Variants in KCNMB4 observed in about 807,000 individuals in gnomAD.
KCNMB4 encodes the protein calcium-activated potassium channel subunit beta-4.
A neutral mutation model predicts 20.7 loss-of-function variants in KCNMB4; 3 were observed. The ratio of observed to expected loss-of-function variants is 0.14; its 90% CI spans 0.07 to 0.37. KCNMB4 has a LOEUF of 0.37. Ranked by LOEUF, KCNMB4 falls within the 10% of genes least tolerant of loss-of-function variation. The pLI is 1.00. For missense variants in KCNMB4, 168 were observed against 265.9 expected, an observed-to-expected ratio of 0.63 and a Z score of 2.56; for synonymous variants, 110 against 113.4, an observed-to-expected ratio of 0.97 and a Z score of 0.19.
At position 70,431,826 on chromosome 12, in the gene KCNMB4, G is replaced by A. The variant is rs1869373580; in HGVS notation, c.*1173G>A. 1 of 152,118 alleles carries A rather than the reference G, an allele frequency of 6.6e-6. No individual in the cohort carries two copies. The highest frequency in any genetic ancestry group is 1.5e-5 in the Non-Finnish European group (1 of 68,024). The allele number at this position is 152,118 out of a possible 1,614,324, so 9.4% of individuals were successfully genotyped here. ...TAGAATCAAACCTTTGTTTAGGTGA[G>A]ATGTACATCGTTAGTGGAGGAAAAA... On this transcript the variant is annotated 3_prime_UTR_variant, in exon 3 of 3. Transcript: ENST00000258111.
chr12:70,412,041 T>C (rs866748413), intron 2 of KCNMB4, among the ~76,000 whole-genome samples: 2 of 151,996 alleles, frequency 1.3e-5, no homozygotes, highest in African/African-American at 2.4e-5. Flanking sequence ...GTAGAATTAG[T>C]GGAGGAAGAA....
At chr12:70,410,005 C>T (rs1018804315) in intron 2 of KCNMB4, among the ~76,000 whole-genome samples, 14 of 152,192 alleles carry the variant, frequency 9.2e-5, no homozygotes, top group African/African-American at 2.7e-4. Context: ...CATCAGTCAC[C>T]TCGAGTCATT....
rs147224064 is a variant in KCNMB4, at chr12:70,418,143, C to T, written c.465-12342C>T. Among the ~76,000 whole-genome samples the T allele has an allele frequency of 1.4e-3, 211 of 152,250 alleles. 1 individual carries two copies. The highest frequency in any genetic ancestry group is 5.0e-3 in the African/African-American group (207 of 41,554). On this transcript the variant is annotated intron_variant, in intron 2 of 2. Coordinates refer to ENST00000258111, the MANE Select transcript of KCNMB4 (RefSeq NM_014505.6). ...GGCATTTGGGGGGATTCCTTACCCA[C>T]CTCATTTCCTTGAGAACCAAATTCT...
At chr12:70,425,945 C>G (rs1180845401) in intron 2 of KCNMB4, among the ~76,000 whole-genome samples, 1 of 152,040 alleles carries the variant, frequency 6.6e-6, no homozygotes, top group Non-Finnish European at 1.5e-5. Context: ...TCAAGACCAG[C>G]CTGGGCAACA....
Position 70,366,744 on chromosome 12 carries a change from C to T in KCNMB4, c.10C>T (p.Leu4Phe), listed in dbSNP as rs760504525. 1.9e-6 allele frequency: 3 copies of T among 1,593,856 alleles called. No homozygotes were observed. Among genetic ancestry groups the T allele is most frequent in the Admixed American group, 3.4e-5 (2 of 58,700 alleles). Residue 4 changes from leucine (L) to phenylalanine (F), a missense_variant, in exon 1 of 3, where the codon CTC becomes TTC. Transcript: ENST00000258111. MAKLRVAYEYTEAE... is the reference protein window; with the variant it reads MAKFRVAYEYTEAE... ...CCGAGAGTGGGGGGCGATGGCGAAG[C>T]TCCGGGTGGCTTACGAGTACACGGA...
intron 2 of KCNMB4, among the ~76,000 whole-genome samples, chr12:70,429,773 G>C (rs1024785814): frequency 6.6e-6 from 1 of 152,022 alleles, no homozygotes; most frequent in Non-Finnish European, 1.5e-5. Context: ...CACTTTCTGT[G>C]AATGGGACCA....
chr12:70,408,248 G>T (rs1868667429), intron 2 of KCNMB4, among the ~76,000 whole-genome samples: 1 of 152,144 alleles, frequency 6.6e-6, no homozygotes, highest in Non-Finnish European at 1.5e-5. Flanking sequence ...CAGGAGTGCT[G>T]TTTGGAGGTG....
rs1307700052 is a variant in KCNMB4, at chr12:70,366,743, G to A, written c.9G>A (p.Lys3=). ...GCCGAGAGTGGGGGGCGATGGCGAA[G>A]CTCCGGGTGGCTTACGAGTACACGG... The part of the protein sequence containing the change: MA[K]LRVAYEYTEA... The change falls in exon 1 of 3, where the codon AAG becomes AAA. Residue 3 remains lysine, a synonymous_variant. Coordinates refer to ENST00000258111, the MANE Select transcript of KCNMB4 (RefSeq NM_014505.6). 3 of 1,592,002 alleles carry A rather than the reference G, an allele frequency of 1.9e-6. No individual in the cohort carries two copies. The highest frequency in any genetic ancestry group is 1.7e-6 in the Non-Finnish European group (2 of 1,170,950).
At chr12:70,417,829 T>C (rs910459228) in intron 2 of KCNMB4, among the ~76,000 whole-genome samples, 2 of 152,050 alleles carry the variant, frequency 1.3e-5, no homozygotes, top group Non-Finnish European at 2.9e-5. Flanking sequence ...CTTAGCAGGG[T>C]GTGATGCTCT....
chr12:70,376,722 A>C (rs915314329), intron 1 of KCNMB4, among the ~76,000 whole-genome samples: 2 of 151,078 alleles, frequency 1.3e-5, no homozygotes, highest in Non-Finnish European at 2.9e-5. Context: ...AAAAAAAACA[A>C]AACGCCAGAT....
intron 2 of KCNMB4, chr12:70,422,954 G>A: frequency 1.7e-6 from 1 of 590,412 alleles, no homozygotes; most frequent in Non-Finnish European, 2.3e-6. Flanking sequence ...TTACTTCACT[G>A]GGCTGCATCT....
At chr12:70,416,828 A>G (rs1044855092) in intron 2 of KCNMB4, among the ~76,000 whole-genome samples, 2 of 152,144 alleles carry the variant, frequency 1.3e-5, no homozygotes, top group Admixed American at 6.5e-5. Context: ...ATGCTAGCCT[A>G]TTTCTGTCTT....
intron 2 of KCNMB4, among the ~76,000 whole-genome samples, chr12:70,415,117 TAACTC>T (rs1379020913): frequency 6.6e-6 from 1 of 152,224 alleles, no homozygotes; most frequent in Non-Finnish European, 1.5e-5. Flanking sequence ...TTTTACATAT[TAACTC>T]ATTGAATCTG....
chr12:70,405,725 C>T (rs560977761), intron 2 of KCNMB4, among the ~76,000 whole-genome samples: 2 of 152,218 alleles, frequency 1.3e-5, no homozygotes, highest in East Asian at 3.9e-4. Context: ...TTCACAATAG[C>T]CAAGATGTGG....
chr12:70,392,411 A>G (rs541697377), intron 1 of KCNMB4, among the ~76,000 whole-genome samples: 5 of 152,148 alleles, frequency 3.3e-5, no homozygotes, highest in Non-Finnish European at 5.9e-5. Flanking sequence ...GTGGAAGACA[A>G]TGTGGTGATT....
chr12:70,373,934 T>C (rs920162887), intron 1 of KCNMB4, among the ~76,000 whole-genome samples: 1 of 152,186 alleles, frequency 6.6e-6, no homozygotes, highest in East Asian at 1.9e-4. Flanking sequence ...TGCAGTGAGC[T>C]AAATTTAAGT....
At chr12:70,375,768 C>T (rs1267527101) in intron 1 of KCNMB4, among the ~76,000 whole-genome samples, 1 of 152,154 alleles carries the variant, frequency 6.6e-6, no homozygotes, top group Admixed American at 6.5e-5. Context: ...TACGTATTAG[C>T]TCTCACTCCT....
chr12:70,420,003 C>T (rs1401335320), intron 2 of KCNMB4, among the ~76,000 whole-genome samples: 1 of 151,914 alleles, frequency 6.6e-6, no homozygotes, highest in Non-Finnish European at 1.5e-5. Context: ...TCATAAAAGG[C>T]AAACACTGAA....
rs1869381615 is a variant in KCNMB4 at position 70,432,055 on chromosome 12, G to GT, written c.*1403dup. 2 of 143,930 alleles carry GT rather than the reference G, an allele frequency of 1.4e-5. No homozygotes were observed. Among genetic ancestry groups the GT allele is most frequent in the African/African-American group, 5.2e-5 (2 of 38,674 alleles). The allele number at this position is 143,930 out of a possible 1,614,324, so 8.9% of individuals were successfully genotyped here. ...CTTTTTTTTTTTTTTTTTTGAGATG[G>GT]TGTCTCACTCTGTTGCCAGGCTGGA... On this transcript the variant is annotated 3_prime_UTR_variant, in exon 3 of 3. Coordinates refer to ENST00000258111, the MANE Select transcript of KCNMB4 (RefSeq NM_014505.6).
Sources: gnomAD v4.1 joint callset for allele counts (sites outside exome capture counted in the v4.1 genomes callset) on GRCh38, gnomAD v4.1.1 for gene constraint, MANE v1.5 for transcripts, NCBI Gene and HGNC (gene_info 2026-07-23, HGNC 2026-07-21) for gene names.